The following ASPA variants were observed in gnomAD, a reference collection of about 807,000 sequenced individuals.
ASPA encodes the protein aspartoacylase.
A neutral mutation model predicts 29.6 loss-of-function variants in ASPA; 25 were observed. That is an observed-to-expected ratio of 0.85 (90% confidence interval 0.62 to 1.18). The LOEUF (loss-of-function observed/expected upper bound fraction) is 1.18. Ranked by LOEUF, ASPA falls within the 50% of genes most tolerant of loss-of-function variation. The pLI is 0.00. For synonymous variants in ASPA, 131 were observed against 130.3 expected (o/e 1.01, Z -0.04); for missense variants, 333 against 385.7 (o/e 0.86, Z 1.14).
chr17:3,495,637 C>T (rs1469266482), intron 5 of ASPA, among the ~76,000 whole-genome samples: 1 of 152,206 alleles, frequency 6.6e-6, no homozygotes, highest in Non-Finnish European at 1.5e-5. Context: ...GGTGCAATCT[C>T]AGCTCACTGC....
In ASPA at chr17:3,476,357, C is replaced by T; in HGVS notation, c.198C>T (p.Asp66=). 6.2e-7 allele frequency: 1 copy of T among 1,614,152 alleles called. No individual in the cohort carries two copies. The highest frequency in any genetic ancestry group is 1.1e-5 in the South Asian group (1 of 91,086). Residue 66 remains aspartate, a synonymous_variant, in exon 1 of 6, where the codon GAC becomes GAT. Coordinates refer to ENST00000263080, the MANE Select transcript of ASPA (RefSeq NM_000049.4). ...RAVKKCTRYI[D]CDLNRIFDLE... ...TGAAGAAGTGTACCAGATATATTGA[C>T]TGTGACCTGAATCGCATTTTTGACC...
At position 3,488,851 on chromosome 17, in the gene ASPA, AAC is replaced by A. The variant is rs1169877455; in HGVS notation, c.527-382_527-381del. Among the ~76,000 whole-genome samples the A allele has an allele frequency of 6.6e-6, 1 of 152,096 alleles. No individual in the cohort carries two copies. The highest frequency in any genetic ancestry group is 2.4e-5 in the African/African-American group (1 of 41,434). ...CCGTCACAGCTAAATGTTAGATCTT[AAC>A]AGTTTCTCTTCAGGTCCACCTATTA... On this transcript the variant is annotated intron_variant, in intron 3 of 5. Transcript: ENST00000263080. The surrounding 1 kb of genome is among the most constrained non-coding windows in gnomAD (Gnocchi z 6.1).
At position 3,499,351 on chromosome 17, in the gene ASPA, TAATA is replaced by T. The variant is rs774227220; in HGVS notation, c.*266_*269del. On this transcript the variant is annotated 3_prime_UTR_variant, in exon 6 of 6. Coordinates refer to ENST00000263080, the MANE Select transcript of ASPA (RefSeq NM_000049.4). ...TGATACTTGGGTAGCTCAACATTCT[TAATA>T]AACAGCCTTTGTATTCAGAATATAA... is the stretch of plus-strand genomic sequence containing the variant. 8.9e-5 allele frequency: 26 copies of T among 293,768 alleles called. No homozygotes were observed. The highest frequency in any genetic ancestry group is 1.1e-3 in the Middle Eastern group (1 of 952). The allele number at this position is 293,768 out of a possible 1,614,324, so 18.2% of individuals were successfully genotyped here.
chr17:3,483,876 T>G (rs754727017), intron 3 of ASPA, among the ~76,000 whole-genome samples: 2 of 152,122 alleles, frequency 1.3e-5, no homozygotes, highest in Non-Finnish European at 1.5e-5. Flanking sequence ...AGGGCTGGCC[T>G]CAAACTCCTG....
chr17:3,481,572 T>A (rs2073627262), intron 1 of ASPA, 31 bp from the exon 2 acceptor site: 2 of 1,580,468 alleles, frequency 1.3e-6, no homozygotes, highest in African/African-American at 1.3e-5. Context: ...GGCACAGATG[T>A]TGTTCATCTT....
intron 2 of ASPA, 24 bp downstream of exon 2, chr17:3,481,822 TAA>T: frequency 6.4e-7 from 1 of 1,553,796 alleles, no homozygotes; most frequent in Non-Finnish European, 8.8e-7. Context: ...TATTAATTTA[TAA>T]GTTAGCAAAG....
intron 3 of ASPA, among the ~76,000 whole-genome samples, chr17:3,487,611 T>C (rs1567613988): frequency 6.6e-6 from 1 of 152,240 alleles, no homozygotes; most frequent in Admixed American, 6.5e-5. Context: ...TTTCAGCTAA[T>C]TGCCTGTATT....
At chr17:3,479,964 T>A (rs543217044) in intron 1 of ASPA, among the ~76,000 whole-genome samples, 3 of 152,124 alleles carry the variant, frequency 2.0e-5, no homozygotes, top group African/African-American at 4.8e-5. Flanking sequence ...CATTTGAGAA[T>A]GGAAGAAAAA....
chr17:3,481,959 G>C (rs1231492691), intron 2 of ASPA, among the ~76,000 whole-genome samples, 161 bp downstream of exon 2: 1 of 152,044 alleles, frequency 6.6e-6, no homozygotes, highest in Non-Finnish European at 1.5e-5. Context: ...GGTGCTACCA[G>C]AACACAGAGG....
At chr17:3,482,929 A>G (rs543728695) in intron 2 of ASPA, among the ~76,000 whole-genome samples, 1 of 134,218 alleles carries the variant, frequency 7.5e-6, no homozygotes, top group Non-Finnish European at 1.6e-5. Context: ...TCCTAATGCT[A>G]TCCCTCCCCC....
At chr17:3,489,131 T>C in intron 3 of ASPA, 104 bp from the exon 4 acceptor site, 2 of 775,826 alleles carry the variant, frequency 2.6e-6, no homozygotes, top group South Asian at 3.4e-5. Context: ...ACCTTTTTAA[T>C]AATTTTAACA....
Position 3,499,039 on chromosome 17 carries a change from C to A in ASPA, c.893C>A (p.Thr298Lys). 6.2e-7 allele frequency: 1 copy of A among 1,614,132 alleles called. No individual in the cohort carries two copies. The highest frequency in any genetic ancestry group is 1.7e-5 in the Admixed American group (1 of 60,004). ...YYEKKEAFAK[T>K]TKLTLNAKSI... ...GAAAAGAAAGAAGCTTTTGCAAAGA[C>A]AACTAAACTAACGCTCAATGCAAAA... The change falls in exon 6 of 6, where the codon ACA becomes AAA. Residue 298 changes from threonine to lysine, a missense_variant. Thr to Lys is a moderately conservative substitution (Grantham distance 78, BLOSUM62 -1). Coordinates refer to ENST00000263080, the MANE Select transcript of ASPA (RefSeq NM_000049.4).
At chr17:3,484,755 G>C (rs2029352) in intron 3 of ASPA, among the ~76,000 whole-genome samples, 2 of 151,768 alleles carry the variant, frequency 1.3e-5, no homozygotes, top group South Asian at 4.2e-4. Context: ...TACATATCTC[G>C]CCTGGGACCA....
chr17:3,481,035 A>T (rs907545587), intron 1 of ASPA, among the ~76,000 whole-genome samples: 5 of 152,062 alleles, frequency 3.3e-5, no homozygotes, highest in African/African-American at 1.2e-4. Flanking sequence ...AGATGGGAAG[A>T]TTGCTTGAGC....
Position 3,500,489 on chromosome 17 carries a change from A to C in ASPA, c.*1401A>C, listed in dbSNP as rs1230660841. On this transcript the variant is annotated 3_prime_UTR_variant, in exon 6 of 6. Transcript: ENST00000263080. ...CCAAAGCTCATTAACTGTTTCAAAA[A>C]TCCTAAAACTCTTGTTTTTTGTTTT... 8.9e-6 allele frequency: 1 copy of C among 111,772 alleles called. No individual in the cohort carries two copies. The highest frequency in any genetic ancestry group is 2.0e-5 in the Non-Finnish European group (1 of 49,408). 6.9% of individuals were successfully genotyped at this position (111,772 alleles called of 1,614,324 possible). A position where few individuals can be genotyped will look rare whatever the true frequency, so the allele number is the denominator to read the frequency against.
intron 3 of ASPA, among the ~76,000 whole-genome samples, 165 bp from the exon 4 acceptor site, chr17:3,489,070 C>T (rs944041267): frequency 2.0e-5 from 3 of 152,176 alleles, no homozygotes; most frequent in Admixed American, 6.5e-5. Flanking sequence ...TTCTGCTTCA[C>T]GTTTTGCCAA....
At chr17:3,475,611 C>T (rs530688135), upstream of ASPA, 1 of 157,388 alleles carries the variant, frequency 6.4e-6, no homozygotes, top group Admixed American at 6.1e-5. Flanking sequence ...TGAGGGTCAG[C>T]CTTTGGCTGT....
At chr17:3,477,905 G>A (rs1301966925) in intron 1 of ASPA, among the ~76,000 whole-genome samples, 2 of 151,892 alleles carry the variant, frequency 1.3e-5, no homozygotes, top group Admixed American at 6.6e-5. Flanking sequence ...ATACATGGCC[G>A]GGCACAGTGG....
rs1243344754 is a variant in ASPA, at chr17:3,501,905, A to G, written c.*2817A>G. 2 of 151,978 alleles carry G rather than the reference A, an allele frequency of 1.3e-5. No individual in the cohort carries two copies. Among genetic ancestry groups the G allele is most frequent in the Non-Finnish European group, 2.9e-5 (2 of 68,076 alleles). 9.4% of individuals were successfully genotyped at this position (151,978 alleles called of 1,614,324 possible). On this transcript the variant is annotated 3_prime_UTR_variant, in exon 6 of 6. Coordinates refer to ENST00000263080, the MANE Select transcript of ASPA (RefSeq NM_000049.4). ...GAGGCAGAGGTTGCAGTAAGCCAAG[A>G]CTGCGCCACTGCACTCCAGCCTGGT...
Sources: allele counts gnomAD v4.1 joint callset (sites outside exome capture counted in the v4.1 genomes callset), GRCh38; gene constraint gnomAD v4.1.1; non-coding constraint Gnocchi (gnomAD v3.1); transcripts MANE v1.5; gene names NCBI Gene and HGNC (gene_info 2026-07-23, HGNC 2026-07-21).